The following CASZ1 variants were observed in gnomAD, a reference collection of about 807,000 sequenced individuals.
The protein encoded by CASZ1 is zinc finger protein castor homolog 1.
A neutral mutation model predicts 135.2 loss-of-function variants in CASZ1; 28 were observed. The observed-to-expected ratio is 0.21, with a 90% confidence interval of 0.15 to 0.28. CASZ1 has a LOEUF of 0.28. CASZ1 is among the 10% of genes least tolerant of loss of function. The pLI is 1.00. For missense variants in CASZ1, 2,161 were observed against 2,453.3 expected (o/e 0.88, Z 2.52); for synonymous variants, 1,068 against 1,073.4 (o/e 0.99, Z 0.10).
intron 18 of CASZ1, 38 bp downstream of exon 18, chr1:10,644,879 T>C (rs1642317803): frequency 6.3e-7 from 1 of 1,585,378 alleles, no homozygotes; most frequent in East Asian, 2.2e-5. Context: ...TCTTGATGCC[T>C]GCTGCAAGTC....
rs1451413627 is a variant in CASZ1, at chr1:10,694,228, C to T, written c.-23-316G>A. 1.6e-5 allele frequency: 10 copies of T among 639,628 alleles called. No homozygotes were observed. Among genetic ancestry groups the T allele is most frequent in the Non-Finnish European group, 1.9e-5 (10 of 515,292 alleles). The allele number at this position is 639,628 out of a possible 1,614,324, so 39.6% of individuals were successfully genotyped here. A position where few individuals can be genotyped will look rare whatever the true frequency, so the allele number is the denominator to read the frequency against. On this transcript the variant is annotated intron_variant, in intron 3 of 20. Coordinates refer to ENST00000377022, the MANE Select transcript of CASZ1 (RefSeq NM_001079843.3). This position sits in a 1 kb window ranked among gnomAD's most constrained non-coding sequence, Gnocchi z 6.6. ...AGGGGCGCCCCCGTCCCGCCGACCG[C>T]GCCCCGCGCCCGGGTCGCCGCCCGA...
chr1:10,637,123 T>C lies in CASZ1; in HGVS notation c.*1819A>G, dbSNP rs372373282. 1.8e-4 allele frequency: 27 copies of C among 152,164 alleles called. No individual in the cohort carries two copies. The highest frequency in any genetic ancestry group is 5.8e-4 in the East Asian group (3 of 5,158). The allele number at this position is 152,164 out of a possible 1,614,324, so 9.4% of individuals were successfully genotyped here. On this transcript the variant is annotated 3_prime_UTR_variant, in exon 21 of 21. Transcript: ENST00000377022. ...GTCGGCATCTTCTTCTTTTCTTCTT[T>C]TTTTTTTTTAAGTTTGATTTTGCTA...
chr1:10,647,696 G>C lies in CASZ1; in HGVS notation c.3497+105C>G, dbSNP rs1642406668. 1 of 1,554,922 alleles carries C rather than the reference G, an allele frequency of 6.4e-7. No individual in the cohort carries two copies. The highest frequency in any genetic ancestry group is 1.3e-5 in the African/African-American group (1 of 74,136). On this transcript the variant is annotated intron_variant, in intron 16 of 20. Coordinates refer to ENST00000377022, the MANE Select transcript of CASZ1 (RefSeq NM_001079843.3). This position sits in a 1 kb window ranked among gnomAD's most constrained non-coding sequence, Gnocchi z 4.9. ...CCATGCCCCAGAGAGGCTGGGGACA[G>C]CAGCACCATCCGCAGTGAGGAACAG...
intron 20 of CASZ1, among the ~76,000 whole-genome samples, chr1:10,640,797 C>T (rs1050018067): frequency 2.0e-5 from 3 of 152,158 alleles, no homozygotes; most frequent in Non-Finnish European, 4.4e-5. Context: ...CCATGGGGAG[C>T]GGAGCCCATT....
At chr1:10,651,242 G>A in intron 11 of CASZ1, 166 bp from the exon 12 acceptor site, 1 of 411,254 alleles carries the variant, frequency 2.4e-6, no homozygotes, top group Non-Finnish European at 4.1e-6. Context: ...CTCCTGTGTG[G>A]CAATTCTTCA....
rs745760337 is a variant in CASZ1 at position 10,647,989 on chromosome 1, G to A, written c.3309C>T (p.Pro1103=). The change falls in exon 16 of 21, where the codon CCC becomes CCT. Residue 1103 remains proline (P), a synonymous_variant. Coordinates refer to ENST00000377022, the MANE Select transcript of CASZ1 (RefSeq NM_001079843.3). The surrounding 1 kb of genome is among the most constrained non-coding windows in gnomAD (Gnocchi z 4.9). ...TTATVSSLEG[P]APSPASVPST... ...AGGGCACGGAGGCCGGGCTGGGAGC[G>A]GGCCCCTCCAGAGAGGACACCGTGG... 3.7e-5 allele frequency: 60 copies of A among 1,605,268 alleles called. 1 individual carries two copies. The highest frequency in any genetic ancestry group is 1.9e-4 in the South Asian group (17 of 89,786).
intron 5 of CASZ1, among the ~76,000 whole-genome samples, chr1:10,663,610 G>A (rs1315138433): frequency 6.6e-6 from 1 of 152,232 alleles, no homozygotes; most frequent in Non-Finnish European, 1.5e-5. Flanking sequence ...CGAAGGGCAG[G>A]CAGCTTGCAC....
chr1:10,710,690 C>CA (rs1639268274), intron 2 of CASZ1, among the ~76,000 whole-genome samples: 1 of 152,248 alleles, frequency 6.6e-6, no homozygotes, highest in Admixed American at 6.5e-5. Flanking sequence ...CACAGAAAGA[C>CA]AACACCTGCT....
intron 2 of CASZ1, among the ~76,000 whole-genome samples, chr1:10,746,291 T>G (rs1640038667): frequency 6.6e-6 from 1 of 152,112 alleles, no homozygotes; most frequent in Non-Finnish European, 1.5e-5. Flanking sequence ...CACGGCAAAA[T>G]TAAAGCTGAG....
intron 18 of CASZ1, 84 bp downstream of exon 18, chr1:10,644,833 T>G: frequency 1.4e-6 from 2 of 1,423,452 alleles, no homozygotes; most frequent in Non-Finnish European, 1.9e-6. Context: ...AGGACGCGGG[T>G]ACCAGGAGAG....
chr1:10,723,359 C>T (rs887990532), intron 2 of CASZ1, among the ~76,000 whole-genome samples: 2 of 152,218 alleles, frequency 1.3e-5, no homozygotes, highest in African/African-American at 4.8e-5. Context: ...TCCTAGGGGG[C>T]TCTGGGGTGT....
rs774716598 is a variant in CASZ1, at chr1:10,665,333, C to T, written c.255G>A (p.Arg85=). The T allele has an allele frequency of 1.6e-5, 25 of 1,612,226 alleles. No individual in the cohort carries two copies. In the East Asian group the frequency reaches 2.7e-4, roughly 17 times the overall value. The part of the protein sequence containing the change: ...RAPRSEEDKR[R]AVIEKWVNGE... ...CGTTCACCCACTTCTCGATCACTGC[C>T]CGTCTCTTGTCTTCCTCGCTGCGGG... The change falls in exon 5 of 21, where the codon CGG becomes CGA. Residue 85 remains arginine (R), a synonymous_variant. Transcript: ENST00000377022.
intron 1 of CASZ1, among the ~76,000 whole-genome samples, chr1:10,787,137 C>T (rs975086021): frequency 2.0e-5 from 3 of 152,192 alleles, no homozygotes; most frequent in African/African-American, 7.2e-5. Flanking sequence ...GAGGGTGGTA[C>T]GGTCAGAGGC....
intron 4 of CASZ1, among the ~76,000 whole-genome samples, chr1:10,686,477 G>T (rs505051): frequency 6.6e-6 from 1 of 152,262 alleles, no homozygotes; most frequent in South Asian, 2.1e-4. Flanking sequence ...CTGTTGCCCA[G>T]GGGACCAAGG....
chr1:10,673,864 C>G (rs765802934), intron 4 of CASZ1, among the ~76,000 whole-genome samples: 4 of 152,180 alleles, frequency 2.6e-5, no homozygotes, highest in African/African-American at 9.7e-5. Flanking sequence ...ATCCATGCCT[C>G]GGGCTGAGGC....
intron 20 of CASZ1, 74 bp downstream of exon 20, chr1:10,642,785 C>T (rs1421085354): frequency 1.9e-6 from 3 of 1,543,048 alleles, no homozygotes; most frequent in Non-Finnish European, 2.6e-6. Context: ...ACCTTCTGTC[C>T]CAAGCTGCAC....
At chr1:10,696,723 G>A (rs940256649) in intron 3 of CASZ1, among the ~76,000 whole-genome samples, 1 of 152,242 alleles carries the variant, frequency 6.6e-6, no homozygotes, top group Non-Finnish European at 1.5e-5. Context: ...TGCATTTGAA[G>A]ATGTCTGCAA....
chr1:10,712,958 GC>G (rs1283595448), intron 2 of CASZ1, among the ~76,000 whole-genome samples: 1 of 152,196 alleles, frequency 6.6e-6, no homozygotes, highest in Non-Finnish European at 1.5e-5. Context: ...AGGTCGAGGA[GC>G]CCCACCTCGA....
rs1639177763 is a variant in CASZ1, at chr1:10,706,585, A to C, written c.-76-1041T>G. On this transcript the variant is annotated intron_variant, in intron 2 of 20. Transcript: ENST00000377022. The surrounding 1 kb of genome is among the most constrained non-coding windows in gnomAD (Gnocchi z 4.3). ...GTTGAGGGCTCCCGGAATGCCACCC[A>C]GTCCCACCGCCCGCTCTCCGGTTCC... Among the ~76,000 whole-genome samples, 1 of 152,222 alleles carries C rather than the reference A, an allele frequency of 6.6e-6. No individual in the cohort carries two copies. Among genetic ancestry groups the C allele is most frequent in the African/African-American group, 2.4e-5 (1 of 41,466 alleles).
Sources: allele counts gnomAD v4.1 joint callset (sites outside exome capture counted in the v4.1 genomes callset), GRCh38; gene constraint gnomAD v4.1.1; non-coding constraint Gnocchi (gnomAD v3.1); transcripts MANE v1.5; gene names NCBI Gene and HGNC (gene_info 2026-07-23, HGNC 2026-07-21).